Variants in ITGA8 observed in about 807,000 individuals in gnomAD.
The protein encoded by ITGA8 is integrin subunit alpha 8, also known as integrin alpha-8.
A neutral mutation model predicts 142.3 loss-of-function variants in ITGA8; 91 were observed. That is an observed-to-expected ratio of 0.64 (90% CI 0.54 to 0.76). ITGA8 has a LOEUF of 0.76. Among genes scored for constraint, ITGA8 ranks in the 30% least tolerant of loss-of-function variants. The pLI is 0.00. For missense variants in ITGA8, 1,406 were observed against 1,327.7 expected (o/e 1.06, Z -0.92); for synonymous variants, 505 against 485.2 (o/e 1.04, Z -0.54).
rs1263718114 is a variant in ITGA8, at chr10:15,516,276, T to C, written c.*882A>G. 6.6e-6 allele frequency: 1 copy of C among 152,186 alleles called. No individual in the cohort carries two copies. Among genetic ancestry groups the C allele is most frequent in the Non-Finnish European group, 1.5e-5 (1 of 68,014 alleles). 9.4% of individuals were successfully genotyped at this position (152,186 alleles called of 1,614,324 possible). A position where few individuals can be genotyped will look rare whatever the true frequency, so the allele number is the denominator to read the frequency against. On this transcript the variant is annotated 3_prime_UTR_variant, in exon 30 of 30. Coordinates refer to ENST00000378076, the MANE Select transcript of ITGA8 (RefSeq NM_003638.3). ...CAATGGAAAGATATACAAGGAAATA[T>C]AAATGCAACATCTTGCAAAGCTAAA...
rs1954181 is a variant in ITGA8 at position 15,687,924 on chromosome 10, C to T, written c.444+14G>A. 1,280,879 of 1,512,352 alleles carry T rather than the reference C, an allele frequency of 0.85. 545,708 individuals carry two copies. The highest frequency in any genetic ancestry group is 0.87 in the Middle Eastern group (5,108 of 5,842). The allele number at this position is 1,512,352 out of a possible 1,614,324, so 93.7% of individuals were successfully genotyped here. A position where few individuals can be genotyped will look rare whatever the true frequency, so the allele number is the denominator to read the frequency against. ...ACTCCAAAGCAGCAGCACAAGCCCA[C>T]GGCTCATACTCACCACAACTTTTCC... is the stretch of plus-strand genomic sequence containing the variant. On this transcript the variant is annotated intron_variant, in intron 3 of 29. Transcript: ENST00000378076.
chr10:15,569,253 A>G (rs1365414080), intron 25 of ITGA8, among the ~76,000 whole-genome samples: 1 of 152,184 alleles, frequency 6.6e-6, no homozygotes, highest in Non-Finnish European at 1.5e-5. Flanking sequence ...AGCTGGGGAG[A>G]GAGCGCCTCT....
intron 2 of ITGA8, among the ~76,000 whole-genome samples, chr10:15,689,259 AC>A (rs765834964): frequency 5.3e-4 from 80 of 152,340 alleles, no homozygotes; most frequent in Non-Finnish European, 9.1e-4. Flanking sequence ...TTGCTCCCTT[AC>A]AAAAAAGGAC....
chr10:15,673,840 T>C (rs1041668080), intron 6 of ITGA8, among the ~76,000 whole-genome samples: 3 of 152,224 alleles, frequency 2.0e-5, no homozygotes, highest in Admixed American at 1.3e-4. Context: ...CAAAAGTCAC[T>C]GTCAGAAGTC....
In ITGA8 at chr10:15,564,011, C is replaced by T. The variant is rs532259146; in HGVS notation, c.2638-5809G>A. On this transcript the variant is annotated intron_variant, in intron 25 of 29. Transcript: ENST00000378076. ...ATGTATCTTGTGTACAAATAAAGAA[C>T]ATGTCCTATTGGGGTAAATTGTCAT... Among the ~76,000 whole-genome samples, 11 of 152,150 alleles carry T rather than the reference C, an allele frequency of 7.2e-5. No homozygotes were observed. The South Asian group carries it at 1.5e-3, about 20-fold the overall frequency.
chr10:15,595,519 G>A (rs1381403866), intron 21 of ITGA8, among the ~76,000 whole-genome samples: 4 of 152,134 alleles, frequency 2.6e-5, no homozygotes, highest in African/African-American at 9.7e-5. Context: ...AAGACTATTT[G>A]CTGGCAAAAT....
At chr10:15,544,866 C>T (rs918954788) in intron 27 of ITGA8, among the ~76,000 whole-genome samples, 5 of 152,168 alleles carry the variant, frequency 3.3e-5, no homozygotes, top group East Asian at 1.9e-4. Flanking sequence ...GGAAGCTAGT[C>T]GCCATGTTAG....
Position 15,684,019 on chromosome 10 carries a change from A to G in ITGA8, c.553T>C (p.Ser185Pro). Residue 185 changes from serine to proline, a missense_variant, in exon 4 of 30, where the codon TCT becomes CCT. By Grantham distance (74) the Ser-to-Pro change is moderately conservative (BLOSUM62 -1). Coordinates refer to ENST00000378076, the MANE Select transcript of ITGA8 (RefSeq NM_003638.3). ...IQNFSAYAEF[S>P]PCRNSNADPE... is the part of the protein sequence containing the mutation. The stretch of plus-strand genomic sequence containing the variant: ...AGTTGCTTACTGTTCCGGCAAGGAG[A>G]GAACTCGGCATAGGCGCTGAAGTTC... 6.2e-7 allele frequency: 1 copy of G among 1,614,102 alleles called. No individual in the cohort carries two copies. The highest frequency in any genetic ancestry group is 1.1e-5 in the South Asian group (1 of 91,064).
chr10:15,690,193 G>A (rs1023753301), intron 2 of ITGA8, among the ~76,000 whole-genome samples: 1 of 152,144 alleles, frequency 6.6e-6, no homozygotes, highest in Non-Finnish European at 1.5e-5. Flanking sequence ...GGGGAGTGAA[G>A]CCAACATTCG....
At chr10:15,659,496 G>A (rs768650247) in intron 9 of ITGA8, among the ~76,000 whole-genome samples, 6 of 152,148 alleles carry the variant, frequency 3.9e-5, no homozygotes, top group Admixed American at 2.6e-4. Context: ...TTAGACAACC[G>A]TGATGCTTTC....
intron 2 of ITGA8, among the ~76,000 whole-genome samples, chr10:15,693,611 G>A (rs1834973762): frequency 6.6e-6 from 1 of 152,194 alleles, no homozygotes; most frequent in Admixed American, 6.5e-5. Flanking sequence ...TTCTATTTAT[G>A]TCTAGGAAGC....
At chr10:15,621,057 G>A (rs889999205) in intron 13 of ITGA8, among the ~76,000 whole-genome samples, 4 of 152,032 alleles carry the variant, frequency 2.6e-5, no homozygotes, top group Admixed American at 1.3e-4. Context: ...TGAGATAACG[G>A]GTCTGATACC....
chr10:15,571,909 C>T (rs934236479), intron 25 of ITGA8, among the ~76,000 whole-genome samples: 1 of 152,114 alleles, frequency 6.6e-6, no homozygotes, highest in African/African-American at 2.4e-5. Flanking sequence ...TGTGATATGT[C>T]TATTTATGAT....
chr10:15,517,022 T>G lies in ITGA8; in HGVS notation c.*136A>C. The G allele has an allele frequency of 6.7e-6, 3 of 446,446 alleles. No individual in the cohort carries two copies. The highest frequency in any genetic ancestry group is 8.4e-5 in the Admixed American group (2 of 23,780). 27.7% of individuals were successfully genotyped at this position (446,446 alleles called of 1,614,324 possible). On this transcript the variant is annotated 3_prime_UTR_variant, in exon 30 of 30. Coordinates refer to ENST00000378076, the MANE Select transcript of ITGA8 (RefSeq NM_003638.3). The stretch of plus-strand genomic sequence containing the variant: ...TCTCCAAAGTGCGGTGTAGATGAGG[T>G]GATGTTTCCAGGGTCCCCTCCATTT...
At chr10:15,610,264 G>A (rs1833268597) in intron 15 of ITGA8, among the ~76,000 whole-genome samples, 1 of 151,978 alleles carries the variant, frequency 6.6e-6, no homozygotes, top group South Asian at 2.1e-4. Flanking sequence ...TTATAGTAGT[G>A]GGCTGATGTG....
chr10:15,632,707 G>A (rs1383337311), intron 13 of ITGA8, among the ~76,000 whole-genome samples: 1 of 152,086 alleles, frequency 6.6e-6, no homozygotes, highest in African/African-American at 2.4e-5. Context: ...CATGGAAATT[G>A]GTAAGTGGTA....
intron 13 of ITGA8, among the ~76,000 whole-genome samples, chr10:15,639,005 T>C (rs537944653): frequency 1.3e-5 from 2 of 152,176 alleles, no homozygotes; most frequent in Admixed American, 1.3e-4. Flanking sequence ...GGCCTGCTCC[T>C]GTGGTCCCAG....
intron 23 of ITGA8, among the ~76,000 whole-genome samples, chr10:15,585,378 G>T (rs1321257430): frequency 6.6e-6 from 1 of 152,162 alleles, no homozygotes; most frequent in Non-Finnish European, 1.5e-5. Flanking sequence ...CTAACTTGGA[G>T]TAGCACCCAG....
chr10:15,588,278 GACA>G lies in ITGA8; in HGVS notation c.2292-1617_2292-1615del, dbSNP rs376851873. Among the ~76,000 whole-genome samples, 311 of 152,248 alleles carry G rather than the reference GACA, an allele frequency of 2.0e-3. 2 individuals carry two copies. The highest frequency in any genetic ancestry group is 7.0e-3 in the African/African-American group (293 of 41,564). On this transcript the variant is annotated intron_variant, in intron 22 of 29. Coordinates refer to ENST00000378076, the MANE Select transcript of ITGA8 (RefSeq NM_003638.3). ...CCTGGCCGATTGTATATAATGATAAGACAACTTAAACTGCAACCACACATAAAA... is the reference window on the plus strand; with the variant it reads ...CCTGGCCGATTGTATATAATGATAAGACTTAAACTGCAACCACACATAAAA...
Sources: allele counts gnomAD v4.1 joint callset (sites outside exome capture counted in the v4.1 genomes callset), GRCh38; gene constraint gnomAD v4.1.1; transcripts MANE v1.5; gene names NCBI Gene and HGNC (gene_info 2026-07-23, HGNC 2026-07-21).